Variants in SNX29 observed in about 807,000 individuals in gnomAD.
SNX29 encodes sorting nexin 29, also known as sorting nexin-29.
SNX29 carries 78 observed loss-of-function variants against 102.1 expected under a neutral mutation model. The observed-to-expected ratio is 0.76, with a 90% CI of 0.64 to 0.92. SNX29 has a LOEUF of 0.92. Ranked by LOEUF, SNX29 falls within the 40% of genes least tolerant of loss-of-function variation. The probability of loss-of-function intolerance (pLI) is 0.00; values close to 1 mark genes in which losing one functional copy is unlikely to be tolerated. For missense variants in SNX29, 1,280 were observed against 1,061.7 expected (o/e 1.21, Z -2.86); for synonymous variants, 580 against 414.5 (o/e 1.40, Z -4.85).
chr16:12,484,645 G>T (rs1477205457), intron 19 of SNX29, among the ~76,000 whole-genome samples: 3 of 151,936 alleles, frequency 2.0e-5, no homozygotes, highest in Non-Finnish European at 2.9e-5. Flanking sequence ...CTCACCTCGG[G>T]GCCTTTGCAC....
At chr16:12,356,570 G>C (rs564137779) in intron 16 of SNX29, among the ~76,000 whole-genome samples, 1 of 152,184 alleles carries the variant, frequency 6.6e-6, no homozygotes, top group East Asian at 1.9e-4. Context: ...TTACTACATG[G>C]GTAAATTTCC....
chr16:12,035,876 G>T (rs1046038185), intron 4 of SNX29, among the ~76,000 whole-genome samples: 8 of 152,170 alleles, frequency 5.3e-5, no homozygotes, highest in Non-Finnish European at 1.2e-4. Context: ...TAAAAGGGGT[G>T]ATAAAGCTGG....
At chr16:12,224,337 G>A (rs1225070133) in intron 14 of SNX29, among the ~76,000 whole-genome samples, 1 of 151,852 alleles carries the variant, frequency 6.6e-6, no homozygotes, top group African/African-American at 2.4e-5. Flanking sequence ...TCCGACAACT[G>A]TTTTTAGAGG....
intron 18 of SNX29, among the ~76,000 whole-genome samples, chr16:12,469,604 A>T (rs1176520513): frequency 6.6e-6 from 1 of 152,216 alleles, no homozygotes; most frequent in East Asian, 1.9e-4. Flanking sequence ...GATGTGGTAT[A>T]GGCTTTAGGG....
At chr16:12,026,600 G>T (rs1488247470) in intron 3 of SNX29, among the ~76,000 whole-genome samples, 2 of 152,134 alleles carry the variant, frequency 1.3e-5, no homozygotes. Context: ...TATTTCTTTG[G>T]TTATTGAGAA....
intron 16 of SNX29, among the ~76,000 whole-genome samples, chr16:12,377,008 C>G: frequency 6.6e-6 from 1 of 151,978 alleles, no homozygotes; most frequent in Middle Eastern, 3.2e-3. Flanking sequence ...GTTTTCTAAC[C>G]AGGAGAATGT....
chr16:12,108,867 A>AC (rs1285061746), intron 11 of SNX29, among the ~76,000 whole-genome samples: 1 of 152,194 alleles, frequency 6.6e-6, no homozygotes, highest in Non-Finnish European at 1.5e-5. Flanking sequence ...ACAGTGGCTC[A>AC]CGCCTGTAAT....
intron 15 of SNX29, among the ~76,000 whole-genome samples, chr16:12,340,202 C>T (rs968115579): frequency 2.0e-5 from 3 of 152,164 alleles, no homozygotes; most frequent in African/African-American, 7.2e-5. Flanking sequence ...CTTCTCCTTC[C>T]CTGGAGAAAC....
rs187779991 is a variant in SNX29 at position 12,382,522 on chromosome 16, T to G, written c.1900-15924T>G. 1.5e-3 allele frequency among the ~76,000 whole-genome samples: 224 copies of G among 152,340 alleles called. 1 individual carries two copies. Among genetic ancestry groups the G allele is most frequent in the African/African-American group, 5.1e-3 (212 of 41,576 alleles). ...TGATATCTACTCCTTAGGAGGATGA[T>G]GTATAGAAAAATGCGTAACGCAGGG... On this transcript the variant is annotated intron_variant, in intron 16 of 20. Transcript: ENST00000566228.
intron 18 of SNX29, among the ~76,000 whole-genome samples, chr16:12,434,506 T>C (rs924555345): frequency 6.6e-6 from 1 of 152,158 alleles, no homozygotes. Context: ...CAGAGTGATA[T>C]GCCTGGAAGT....
chr16:12,195,320 C>CT (rs2076746664), intron 13 of SNX29, among the ~76,000 whole-genome samples: 1 of 152,210 alleles, frequency 6.6e-6, no homozygotes. Flanking sequence ...CAGCTTCTTT[C>CT]TTTTATATTC....
In SNX29 at chr16:12,042,971, A is replaced by G. The variant is rs750997139; in HGVS notation, c.322A>G (p.Ile108Val). The change falls in exon 5 of 21, where the codon ATC becomes GTC. Residue 108 changes from isoleucine to valine, a missense_variant. Coordinates refer to ENST00000566228, the MANE Select transcript of SNX29 (RefSeq NM_032167.5). ...GCAGCGCTTCTACTCCCTGCGCCAC[A>G]TCGCCTCAGACGTGGGCCGGGGTCG... ...ELQRFYSLRHIASDVGRGRAW... is the reference protein window; with the variant it reads ...ELQRFYSLRHVASDVGRGRAW... 2 of 1,613,918 alleles carry G rather than the reference A, an allele frequency of 1.2e-6. No individual in the cohort carries two copies. The highest frequency in any genetic ancestry group is 1.1e-5 in the South Asian group (1 of 91,056).
intron 20 of SNX29, among the ~76,000 whole-genome samples, chr16:12,544,757 T>C (rs1442988295): frequency 6.6e-6 from 1 of 152,198 alleles, no homozygotes; most frequent in Non-Finnish European, 1.5e-5. Flanking sequence ...AGGGACGTGC[T>C]CTGGGTCGCA....
chr16:12,279,943 C>G (rs554837974), intron 15 of SNX29, among the ~76,000 whole-genome samples: 50 of 152,266 alleles, frequency 3.3e-4, no homozygotes, highest in African/African-American at 1.2e-3. Context: ...GTGAGGGTGC[C>G]TACTTCGCAG....
chr16:12,352,673 G>A (rs1461904766), intron 15 of SNX29, among the ~76,000 whole-genome samples: 1 of 152,186 alleles, frequency 6.6e-6, no homozygotes, highest in Non-Finnish European at 1.5e-5. Context: ...CACAAGTTCA[G>A]AACCACAACT....
chr16:12,379,225 C>T (rs1333836860), intron 16 of SNX29, among the ~76,000 whole-genome samples: 1 of 152,330 alleles, frequency 6.6e-6, no homozygotes, highest in Admixed American at 6.5e-5. Context: ...CAGCCTCACC[C>T]TCCTGGGGTA....
chr16:12,067,768 G>A (rs544227382), intron 9 of SNX29, among the ~76,000 whole-genome samples: 43 of 152,322 alleles, frequency 2.8e-4, no homozygotes, highest in African/African-American at 1.0e-3. Context: ...GATTACAGGC[G>A]TGAGCCACCG....
intron 14 of SNX29, among the ~76,000 whole-genome samples, chr16:12,275,603 A>G (rs899148036): frequency 6.6e-6 from 1 of 152,130 alleles, no homozygotes; most frequent in Non-Finnish European, 1.5e-5. Flanking sequence ...TTTAGGAATG[A>G]AATTTTCTCA....
intron 19 of SNX29, among the ~76,000 whole-genome samples, chr16:12,494,990 C>G (rs1241874002): frequency 1.3e-5 from 2 of 152,144 alleles, no homozygotes; most frequent in Admixed American, 1.3e-4. Context: ...TCGTCAGTAT[C>G]CCTGGGGCCG....
Sources: gnomAD v4.1 joint callset for allele counts (sites outside exome capture counted in the v4.1 genomes callset) on GRCh38, gnomAD v4.1.1 for gene constraint, MANE v1.5 for transcripts, NCBI Gene and HGNC (gene_info 2026-07-23, HGNC 2026-07-21) for gene names.